The following ERBB4 variants were observed in gnomAD, a reference collection of about 807,000 sequenced individuals.
The protein encoded by ERBB4 is receptor tyrosine-protein kinase erbB-4.
In ERBB4, 42 loss-of-function variants were observed where a neutral mutation model predicts 158.0. That is an observed-to-expected ratio of 0.27 (90% CI 0.21 to 0.34). The LOEUF is 0.34. Ranked by LOEUF, ERBB4 falls within the 10% of genes least tolerant of loss-of-function variation. The pLI is 1.00. For missense variants in ERBB4, 1,333 were observed against 1,624.1 expected (o/e 0.82, Z 3.08); for synonymous variants, 583 against 558.7 (o/e 1.04, Z -0.61).
intron 20 of ERBB4, among the ~76,000 whole-genome samples, chr2:211,482,685 C>A (rs901247680): frequency 6.6e-6 from 1 of 152,172 alleles, no homozygotes; most frequent in Non-Finnish European, 1.5e-5. Context: ...ATAGGCGGAT[C>A]ACCTGAGGTC....
intron 16 of ERBB4, among the ~76,000 whole-genome samples, chr2:211,646,617 G>A (rs6435649): frequency 0.85 from 129,603 of 151,700 alleles, 58,444 homozygotes; most frequent in East Asian, 1. Context: ...TACTTGCACA[G>A]CTGCATAACT....
chr2:212,202,609 G>A (rs2082620533), intron 1 of ERBB4, among the ~76,000 whole-genome samples: 1 of 152,088 alleles, frequency 6.6e-6, no homozygotes, highest in South Asian at 2.1e-4. Context: ...CCAAATTGCT[G>A]GAATTACAGG....
chr2:211,762,108 G>A (rs111576089), intron 4 of ERBB4, among the ~76,000 whole-genome samples: 5 of 152,078 alleles, frequency 3.3e-5, no homozygotes, highest in Admixed American at 6.6e-5. Context: ...TTCTTCCATC[G>A]CAACACATTA....
At chr2:211,975,094 C>T (rs976450367) in intron 2 of ERBB4, among the ~76,000 whole-genome samples, 2 of 152,076 alleles carry the variant, frequency 1.3e-5, no homozygotes, top group African/African-American at 4.8e-5. Flanking sequence ...GTGATCATCC[C>T]ACCTCAGTCT....
At chr2:211,806,872 A>C (rs1171819911) in intron 3 of ERBB4, among the ~76,000 whole-genome samples, 3 of 152,182 alleles carry the variant, frequency 2.0e-5, no homozygotes, top group Non-Finnish European at 4.4e-5. Flanking sequence ...AGTATAATGC[A>C]TATTGATTTT....
intron 3 of ERBB4, among the ~76,000 whole-genome samples, chr2:211,811,337 C>T (rs901379498): frequency 6.6e-5 from 10 of 152,080 alleles, no homozygotes; most frequent in African/African-American, 1.2e-4. Context: ...TGTTAAATAT[C>T]GGCCCCCACT....
chr2:211,472,388 G>T (rs1351980219), intron 20 of ERBB4, among the ~76,000 whole-genome samples: 2 of 150,572 alleles, frequency 1.3e-5, no homozygotes, highest in East Asian at 3.9e-4. Context: ...TCTCTACATA[G>T]ATTGTGTCAT....
chr2:211,901,038 T>C (rs2079220820), intron 3 of ERBB4, among the ~76,000 whole-genome samples: 2 of 152,190 alleles, frequency 1.3e-5, no homozygotes, highest in Non-Finnish European at 2.9e-5. Context: ...AAATATTATA[T>C]ACTATAAAAT....
intron 2 of ERBB4, among the ~76,000 whole-genome samples, chr2:211,987,013 T>G (rs1446676599): frequency 6.6e-6 from 1 of 151,980 alleles, no homozygotes; most frequent in Non-Finnish European, 1.5e-5. Context: ...CTAGTTCCAG[T>G]CATAAATGTA....
At chr2:212,447,248 C>T (rs549234614) in intron 1 of ERBB4, among the ~76,000 whole-genome samples, 3 of 152,050 alleles carry the variant, frequency 2.0e-5, no homozygotes, top group South Asian at 4.2e-4. Flanking sequence ...TCGTGCACCT[C>T]GGTCTCCCAA....
chr2:211,716,362 C>CAAAAAAA (rs534486221), intron 7 of ERBB4, among the ~76,000 whole-genome samples: 4 of 69,286 alleles, frequency 5.8e-5, no homozygotes, highest in African/African-American at 2.6e-4. Context: ...AACTCTGTCT[C>CAAAAAAA]AAAAAAAAAA....
At chr2:211,649,916 A>G (rs2070921585) in intron 16 of ERBB4, among the ~76,000 whole-genome samples, 1 of 151,958 alleles carries the variant, frequency 6.6e-6, no homozygotes, top group Admixed American at 6.6e-5. Context: ...TGATAAATCA[A>G]AGCACTCTCT....
chr2:211,561,741 A>G, intron 20 of ERBB4, 162 bp downstream of exon 20: 2 of 681,922 alleles, frequency 2.9e-6, no homozygotes, highest in Non-Finnish European at 2.6e-6. Flanking sequence ...TTTAATCTGT[A>G]GTTTACCTAA....
At chr2:211,634,255 T>A (rs760183693) in intron 16 of ERBB4, among the ~76,000 whole-genome samples, 2 of 152,190 alleles carry the variant, frequency 1.3e-5, no homozygotes, top group African/African-American at 2.4e-5. Flanking sequence ...TTACTTTGCT[T>A]TTTTTTCAAT....
intron 1 of ERBB4, among the ~76,000 whole-genome samples, chr2:212,234,622 T>C (rs1263751924): frequency 6.6e-6 from 1 of 152,192 alleles, no homozygotes; most frequent in Admixed American, 6.5e-5. Context: ...TTCGTATTTG[T>C]CCACATCCTC....
rs185758884 is a variant in ERBB4, at chr2:211,665,305, G to A, written c.1871+18C>T. On this transcript the variant is annotated intron_variant, in intron 15 of 27. Coordinates refer to ENST00000342788, the MANE Select transcript of ERBB4 (RefSeq NM_005235.3). ...ATAACACATACCAGGTGAGCCCTTG[G>A]CCAGCAAGAATGCTTACCCTTGGGT... 6.2e-7 allele frequency: 1 copy of A among 1,613,590 alleles called. No homozygotes were observed. The highest frequency in any genetic ancestry group is 8.5e-7 in the Non-Finnish European group (1 of 1,179,666).
chr2:211,772,955 A>ATATATATATTTTTT (rs1553630145), intron 4 of ERBB4, among the ~76,000 whole-genome samples: 1 of 83,296 alleles, frequency 1.2e-5, no homozygotes, highest in Non-Finnish European at 2.1e-5. Flanking sequence ...ATATATATAT[A>ATATATATATTTTTT]TTTTTTTTTT....
At chr2:212,018,651 T>G (rs1213981650) in intron 2 of ERBB4, among the ~76,000 whole-genome samples, 1 of 152,126 alleles carries the variant, frequency 6.6e-6, no homozygotes, top group Non-Finnish European at 1.5e-5. Flanking sequence ...GCAGATAATT[T>G]TATAGGGTTC....
intron 19 of ERBB4, 31 bp downstream of exon 19, chr2:211,619,146 A>G (rs1446137085): frequency 3.7e-6 from 5 of 1,339,662 alleles, no homozygotes; most frequent in African/African-American, 1.4e-5. Context: ...ATAATGGAGA[A>G]AAATGTGATT....
Sources: allele counts gnomAD v4.1 joint callset (sites outside exome capture counted in the v4.1 genomes callset), GRCh38; gene constraint gnomAD v4.1.1; transcripts MANE v1.5; gene names NCBI Gene and HGNC (gene_info 2026-07-23, HGNC 2026-07-21).